The following CNOT6L variants were observed in gnomAD, a reference collection of about 807,000 sequenced individuals.
CNOT6L encodes the protein CCR4-NOT transcription complex subunit 6-like.
A neutral mutation model predicts 64.0 loss-of-function variants in CNOT6L; 7 were observed. The observed-to-expected ratio is 0.11, with a 90% confidence interval of 0.06 to 0.21. The LOEUF (loss-of-function observed/expected upper bound fraction) is 0.21. Among genes scored for constraint, CNOT6L ranks in the 10% least tolerant of loss-of-function variants. The probability of loss-of-function intolerance (pLI) is 1.00; values close to 1 mark genes in which losing one functional copy is unlikely to be tolerated. For missense variants in CNOT6L, 245 were observed against 669.0 expected, an observed-to-expected ratio of 0.37 and a Z score of 6.99; for synonymous variants, 193 against 243.4, an observed-to-expected ratio of 0.79 and a Z score of 1.93.
intron 2 of CNOT6L, among the ~76,000 whole-genome samples, chr4:77,776,054 ATCC>A (rs1340182028): frequency 6.6e-6 from 1 of 152,184 alleles, no homozygotes; most frequent in Non-Finnish European, 1.5e-5. Flanking sequence ...AACTCCCCAT[ATCC>A]TCAATTCCAG....
intron 2 of CNOT6L, 113 bp downstream of exon 2, chr4:77,776,158 T>C: frequency 3.0e-6 from 3 of 999,984 alleles, no homozygotes; most frequent in East Asian, 2.4e-5. Context: ...TACCATCTTG[T>C]AGTTTTTCAA....
chr4:77,808,816 T>C (rs763432160), intron 1 of CNOT6L, among the ~76,000 whole-genome samples: 3 of 152,206 alleles, frequency 2.0e-5, no homozygotes, highest in Non-Finnish European at 2.9e-5. Context: ...TCATAGCACT[T>C]AATGTTAGTC....
chr4:77,732,847 T>C (rs1421742898), intron 8 of CNOT6L, among the ~76,000 whole-genome samples: 1 of 152,042 alleles, frequency 6.6e-6, no homozygotes, highest in Non-Finnish European at 1.5e-5. Context: ...AGAGGAGAGA[T>C]AAAAGTTCTA....
chr4:77,718,950 CTTGT>C lies in CNOT6L; in HGVS notation c.*1477_*1480del, dbSNP rs1196984035. ...ATTTCATTCACATAATGGAAAATTT[CTTGT>C]TTATTAAAAATATCACATTTTGAGA... On this transcript the variant is annotated 3_prime_UTR_variant, in exon 12 of 12. Coordinates refer to ENST00000504123, the MANE Select transcript of CNOT6L (RefSeq NM_144571.3). 6.6e-6 allele frequency: 1 copy of C among 152,382 alleles called. No homozygotes were observed. Among genetic ancestry groups the C allele is most frequent in the Non-Finnish European group, 1.5e-5 (1 of 67,964 alleles). 9.4% of individuals were successfully genotyped at this position (152,382 alleles called of 1,614,324 possible).
chr4:77,797,643 G>C (rs1009891094), intron 1 of CNOT6L, among the ~76,000 whole-genome samples: 4 of 152,106 alleles, frequency 2.6e-5, no homozygotes, highest in African/African-American at 9.7e-5. Context: ...CTTTTTAAGT[G>C]AAATGGTGAA....
chr4:77,818,920 G>T (rs1048741951), intron 1 of CNOT6L: 1 of 573,386 alleles, frequency 1.7e-6, no homozygotes, highest in Non-Finnish European at 3.2e-6. Flanking sequence ...GCTGCCGCGC[G>T]TGTGCCGCAC....
intron 10 of CNOT6L, among the ~76,000 whole-genome samples, chr4:77,727,562 CAAAAAAAAAAAAAAAAAAAAAAA>C (rs55848621): frequency 1.1e-4 from 9 of 84,590 alleles, no homozygotes; most frequent in African/African-American, 1.9e-4. Flanking sequence ...AACTCTGTCT[CAAAAAAAAAAAAAAAAAAAAAAA>C]AAAAAAAAAA....
intron 8 of CNOT6L, among the ~76,000 whole-genome samples, chr4:77,737,738 T>C (rs1210268408): frequency 6.6e-6 from 1 of 152,022 alleles, no homozygotes; most frequent in East Asian, 1.9e-4. Context: ...TTTTAACCAC[T>C]GAAAGTGCAT....
chr4:77,818,834 G>A (rs1251954845), intron 1 of CNOT6L: 2 of 221,798 alleles, frequency 9.0e-6, no homozygotes, highest in Non-Finnish European at 1.8e-5. Flanking sequence ...GCAGGCCGGC[G>A]CGCTTCCTGC....
chr4:77,760,860 CTTTTTTT>C (rs754195745), intron 4 of CNOT6L, among the ~76,000 whole-genome samples: 929 of 29,814 alleles, frequency 0.031, 10 homozygotes, highest in Middle Eastern at 0.071. Flanking sequence ...CCATGCCTGG[CTTTTTTT>C]TTTTTTTTTT....
At chr4:77,783,860 T>C (rs182570738) in intron 1 of CNOT6L, among the ~76,000 whole-genome samples, 1 of 150,682 alleles carries the variant, frequency 6.6e-6, no homozygotes, top group Admixed American at 6.6e-5. Context: ...AGTCAGTTTA[T>C]TCTTGGGGCT....
At chr4:77,781,652 A>T (rs1728870407) in intron 1 of CNOT6L, among the ~76,000 whole-genome samples, 1 of 152,036 alleles carries the variant, frequency 6.6e-6, no homozygotes, top group Admixed American at 6.5e-5. Context: ...AGCTGGCCAA[A>T]TCAGGGCAAA....
chr4:77,730,397 C>T (rs1722314882), intron 9 of CNOT6L, among the ~76,000 whole-genome samples: 1 of 151,986 alleles, frequency 6.6e-6, no homozygotes, highest in Non-Finnish European at 1.5e-5. Context: ...CACTATATTA[C>T]TAAATTCCCC....
intron 4 of CNOT6L, among the ~76,000 whole-genome samples, chr4:77,762,740 C>G (rs1726384010): frequency 6.6e-6 from 1 of 152,114 alleles, no homozygotes; most frequent in African/African-American, 2.4e-5. Context: ...AGGTGACATA[C>G]TGTATGTTCC....
At chr4:77,813,893 T>C (rs540300769) in intron 1 of CNOT6L, among the ~76,000 whole-genome samples, 1 of 152,276 alleles carries the variant, frequency 6.6e-6, no homozygotes, top group Admixed American at 6.5e-5. Context: ...ATTCCACTCT[T>C]AGGTACACAC....
At chr4:77,730,670 AG>A (rs1722344252) in intron 9 of CNOT6L, among the ~76,000 whole-genome samples, 1 of 150,562 alleles carries the variant, frequency 6.6e-6, no homozygotes. Context: ...TGGTGAGAAA[AG>A]AAGGTTTGAC....
At chr4:77,795,402 G>C (rs1375907349) in intron 1 of CNOT6L, among the ~76,000 whole-genome samples, 32 of 152,160 alleles carry the variant, frequency 2.1e-4, no homozygotes, top group Admixed American at 2.1e-3. Flanking sequence ...CAGTTGACAT[G>C]GTTTAGCTCT....
At chr4:77,801,649 A>G (rs1382536475) in intron 1 of CNOT6L, among the ~76,000 whole-genome samples, 1 of 135,072 alleles carries the variant, frequency 7.4e-6, no homozygotes, top group Non-Finnish European at 1.5e-5. Flanking sequence ...AACAAATTTT[A>G]AAACCTTTAT....
intron 4 of CNOT6L, among the ~76,000 whole-genome samples, chr4:77,770,602 C>T (rs1356857653): frequency 1.0e-5 from 1 of 96,154 alleles, no homozygotes; most frequent in Non-Finnish European, 2.2e-5. Flanking sequence ...AAAAGGGCTA[C>T]ATATAGGTAC....
Sources: gnomAD v4.1 joint callset for allele counts (sites outside exome capture counted in the v4.1 genomes callset) on GRCh38, gnomAD v4.1.1 for gene constraint, MANE v1.5 for transcripts, NCBI Gene and HGNC (gene_info 2026-07-23, HGNC 2026-07-21) for gene names.